Variants in PLCB1 observed in about 807,000 individuals in gnomAD.
The protein encoded by PLCB1 is phospholipase C beta 1, also known as 1-phosphatidylinositol 4,5-bisphosphate phosphodiesterase beta-1.
A neutral mutation model predicts 161.8 loss-of-function variants in PLCB1; 46 were observed. The observed-to-expected ratio is 0.28, with a 90% CI of 0.22 to 0.36. The LOEUF (loss-of-function observed/expected upper bound fraction) is 0.36. PLCB1 is among the 10% of genes least tolerant of loss of function. The pLI is 1.00. For missense variants in PLCB1, 1,016 were observed against 1,472.5 expected, an observed-to-expected ratio of 0.69 and a Z score of 5.07; for synonymous variants, 517 against 503.7, an observed-to-expected ratio of 1.03 and a Z score of -0.35.
intron 26 of PLCB1, among the ~76,000 whole-genome samples, chr20:8,774,160 G>A (rs1049997453): frequency 6.6e-6 from 1 of 152,174 alleles, no homozygotes; most frequent in African/African-American, 2.4e-5. Flanking sequence ...TACGGGAAAG[G>A]TAACTGGGAA....
At chr20:8,379,167 G>T (rs1987187534) in intron 3 of PLCB1, among the ~76,000 whole-genome samples, 1 of 149,830 alleles carries the variant, frequency 6.7e-6, no homozygotes. Context: ...TGTTCTCATT[G>T]TTCAACTCCC....
At chr20:8,711,260 GACA>G (rs1400183127) in intron 12 of PLCB1, among the ~76,000 whole-genome samples, 2 of 152,184 alleles carry the variant, frequency 1.3e-5, no homozygotes. Context: ...ATCAAATTCA[GACA>G]ACGAGAGCAT....
rs1988107707 is a variant in PLCB1 at position 8,884,578 on chromosome 20, T to C, written c.*2729T>C. 6.6e-6 allele frequency: 1 copy of C among 152,646 alleles called. No homozygotes were observed. Among genetic ancestry groups the C allele is most frequent in the African/African-American group, 2.4e-5 (1 of 41,450 alleles). The allele number at this position is 152,646 out of a possible 1,614,324, so 9.5% of individuals were successfully genotyped here. A position where few individuals can be genotyped will look rare whatever the true frequency, so the allele number is the denominator to read the frequency against. On this transcript the variant is annotated 3_prime_UTR_variant, in exon 32 of 32. Coordinates refer to ENST00000338037, the MANE Select transcript of PLCB1 (RefSeq NM_015192.4). ...TAATACTCCTGTAGTAGATAAGCTG[T>C]CATTAAGTAATTCCCAAAAAAAGGG... is the stretch of plus-strand genomic sequence containing the variant.
intron 3 of PLCB1, among the ~76,000 whole-genome samples, chr20:8,587,179 AATATAT>A (rs1200947565): frequency 2.1e-5 from 3 of 144,394 alleles, no homozygotes; most frequent in Middle Eastern, 7.4e-3. Context: ...TCAATTAAAA[AATATAT>A]ATATATATAT....
chr20:8,519,000 C>A (rs140011412), intron 3 of PLCB1, among the ~76,000 whole-genome samples: 6 of 152,166 alleles, frequency 3.9e-5, no homozygotes, highest in African/African-American at 1.4e-4. Context: ...GGAGGCAGAG[C>A]TCAGGTGGTG....
At chr20:8,226,611 A>T (rs570214532) in intron 2 of PLCB1, among the ~76,000 whole-genome samples, 11 of 152,220 alleles carry the variant, frequency 7.2e-5, no homozygotes, top group African/African-American at 2.6e-4. Flanking sequence ...TGACGCAATG[A>T]CTTCCTTTAA....
chr20:8,465,404 CA>C (rs2122698619), intron 3 of PLCB1, among the ~76,000 whole-genome samples: 1 of 152,176 alleles, frequency 6.6e-6, no homozygotes, highest in Non-Finnish European at 1.5e-5. Flanking sequence ...CTCAATTCAT[CA>C]GGCAATTTCC....
intron 2 of PLCB1, among the ~76,000 whole-genome samples, chr20:8,217,976 A>G (rs1025478876): frequency 6.6e-6 from 1 of 152,134 alleles, no homozygotes; most frequent in Non-Finnish European, 1.5e-5. Flanking sequence ...CTCCAGAACT[A>G]TAAGAAACAA....
At chr20:8,718,000 C>A in intron 14 of PLCB1, 152 bp downstream of exon 14, 1 of 563,200 alleles carries the variant, frequency 1.8e-6, no homozygotes, top group Non-Finnish European at 2.9e-6. Context: ...ACCATCCTGG[C>A]CAACATGGTG....
chr20:8,474,817 T>A (rs1376928944), intron 3 of PLCB1, among the ~76,000 whole-genome samples: 1 of 152,164 alleles, frequency 6.6e-6, no homozygotes, highest in Non-Finnish European at 1.5e-5. Flanking sequence ...TTAAGAGATC[T>A]AAGTGTGACC....
At chr20:8,829,750 G>A (rs936428012) in intron 31 of PLCB1, among the ~76,000 whole-genome samples, 3 of 152,196 alleles carry the variant, frequency 2.0e-5, no homozygotes, top group Non-Finnish European at 4.4e-5. Context: ...AAACTGTTCA[G>A]CAACGTATAG....
Position 8,701,957 on chromosome 20 carries a change from T to G in PLCB1, c.1167+4174T>G, listed in dbSNP as rs553124706. On this transcript the variant is annotated intron_variant, in intron 11 of 31. Transcript: ENST00000338037. ...TTCACAGTATAATTAGACTATATTCTATAGCTACACTGCATAGTGCAGCAG... is the reference window on the plus strand; with the variant it reads ...TTCACAGTATAATTAGACTATATTCGATAGCTACACTGCATAGTGCAGCAG... 5.9e-5 allele frequency among the ~76,000 whole-genome samples: 9 copies of G among 152,360 alleles called. No individual in the cohort carries two copies. The South Asian group carries it at 1.9e-3, about 32-fold the overall frequency.
chr20:8,544,412 C>A (rs1052533515), intron 3 of PLCB1, among the ~76,000 whole-genome samples: 4 of 152,160 alleles, frequency 2.6e-5, no homozygotes, highest in Admixed American at 6.5e-5. Context: ...GAGATAGATT[C>A]TATTTTTGCC....
At chr20:8,561,649 C>T (rs1347883872) in intron 3 of PLCB1, among the ~76,000 whole-genome samples, 1 of 152,002 alleles carries the variant, frequency 6.6e-6, no homozygotes. Context: ...TAACTTTCCT[C>T]ATTTGTGTTT....
intron 2 of PLCB1, among the ~76,000 whole-genome samples, chr20:8,237,668 A>C (rs1338004811): frequency 6.6e-6 from 1 of 152,128 alleles, no homozygotes; most frequent in East Asian, 1.9e-4. Context: ...AGAAATCTCC[A>C]TTTACTGGTT....
intron 21 of PLCB1, 51 bp downstream of exon 21, chr20:8,739,411 T>C: frequency 9.2e-7 from 1 of 1,086,158 alleles, no homozygotes; most frequent in Non-Finnish European, 1.4e-6. Context: ...AAGAAAATCA[T>C]TACTGCTTAA....
At chr20:8,541,878 G>A (rs1440510574) in intron 3 of PLCB1, among the ~76,000 whole-genome samples, 4 of 152,136 alleles carry the variant, frequency 2.6e-5, no homozygotes, top group Admixed American at 6.5e-5. Context: ...TTTGCATTTT[G>A]AAGTGGTAGT....
At chr20:8,434,063 T>A (rs1879650639) in intron 3 of PLCB1, among the ~76,000 whole-genome samples, 1 of 152,242 alleles carries the variant, frequency 6.6e-6, no homozygotes. Context: ...TTTCTCATTC[T>A]TATGAGTTTG....
intron 3 of PLCB1, among the ~76,000 whole-genome samples, chr20:8,512,225 T>G (rs17363289): frequency 0.032 from 4,847 of 152,300 alleles, 121 homozygotes; most frequent in Middle Eastern, 0.065. Flanking sequence ...TACGTTCTGA[T>G]TCATTGAAAT....
Sources: gnomAD v4.1 joint callset for allele counts (sites outside exome capture counted in the v4.1 genomes callset) on GRCh38, gnomAD v4.1.1 for gene constraint, MANE v1.5 for transcripts, NCBI Gene and HGNC (gene_info 2026-07-23, HGNC 2026-07-21) for gene names.